The following TMEM232 variants were observed in gnomAD, a reference collection of about 807,000 sequenced individuals.
TMEM232 encodes the protein transmembrane protein 232.
Under a neutral mutation model 78.8 loss-of-function variants are expected in TMEM232, and 80 were observed. The ratio of observed to expected loss-of-function variants is 1.01; its 90% CI spans 0.85 to 1.22. The LOEUF is 1.22. Among genes scored for constraint, TMEM232 ranks in the 50% most tolerant of loss-of-function variants. TMEM232 has a pLI of 0.00. For missense variants in TMEM232, 881 were observed against 742.2 expected, an observed-to-expected ratio of 1.19 and a Z score of -2.17; for synonymous variants, 297 against 254.3, an observed-to-expected ratio of 1.17 and a Z score of -1.60.
chr5:110,649,488 A>G (rs1209081369), intron 2 of TMEM232, among the ~76,000 whole-genome samples: 1 of 152,160 alleles, frequency 6.6e-6, no homozygotes, highest in Admixed American at 6.6e-5. Flanking sequence ...AAGAGTATGT[A>G]TACTTTTAAT....
chr5:110,525,247 A>C (rs1770400925), intron 12 of TMEM232, among the ~76,000 whole-genome samples: 1 of 151,926 alleles, frequency 6.6e-6, no homozygotes, highest in African/African-American at 2.4e-5. Flanking sequence ...ACATAAAAGG[A>C]AAAGGGCTAA....
At chr5:110,597,831 A>T (rs1335681570) in intron 10 of TMEM232, among the ~76,000 whole-genome samples, 1 of 152,208 alleles carries the variant, frequency 6.6e-6, no homozygotes, top group Non-Finnish European at 1.5e-5. Flanking sequence ...CTGAAACTGG[A>T]TCCCTTCCCT....
chr5:110,678,885 T>A (rs1429322604), intron 1 of TMEM232, among the ~76,000 whole-genome samples: 2 of 152,200 alleles, frequency 1.3e-5, no homozygotes, highest in Non-Finnish European at 2.9e-5. Flanking sequence ...TTAAATAATA[T>A]TCTACCATAC....
At chr5:110,523,991 C>G in intron 12 of TMEM232, among the ~76,000 whole-genome samples, 1 of 135,268 alleles carries the variant, frequency 7.4e-6, no homozygotes, top group African/African-American at 2.7e-5. Context: ...GGGGCTGGGC[C>G]TGGTGGCTCA....
chr5:110,506,363 T>C (rs1343855622), intron 12 of TMEM232, among the ~76,000 whole-genome samples: 1 of 152,180 alleles, frequency 6.6e-6, no homozygotes. Flanking sequence ...TTCAAACAGA[T>C]TAATATATTT....
chr5:110,481,227 G>A (rs1280869022), intron 12 of TMEM232, among the ~76,000 whole-genome samples: 1 of 151,996 alleles, frequency 6.6e-6, no homozygotes, highest in Non-Finnish European at 1.5e-5. Flanking sequence ...TTACTTGTAA[G>A]CTGTTCAATG....
At chr5:110,555,836 G>A (rs577904538) in intron 11 of TMEM232, among the ~76,000 whole-genome samples, 2 of 151,812 alleles carry the variant, frequency 1.3e-5, no homozygotes, top group South Asian at 2.1e-4. Flanking sequence ...TTTTATTTTC[G>A]TATTGCTTCA....
At chr5:110,581,028 T>C (rs1051588711) in intron 10 of TMEM232, among the ~76,000 whole-genome samples, 1 of 151,592 alleles carries the variant, frequency 6.6e-6, no homozygotes, top group Non-Finnish European at 1.5e-5. Context: ...TACAAACAAA[T>C]GGAAAAACAT....
chr5:110,730,346 A>G (rs1221821008), upstream of TMEM232, among the ~76,000 whole-genome samples: 1 of 152,250 alleles, frequency 6.6e-6, no homozygotes, highest in African/African-American at 2.4e-5. Flanking sequence ...TTGCATTAGA[A>G]TTAATATTGA....
At chr5:110,690,716 A>C (rs1794014735) in intron 1 of TMEM232, among the ~76,000 whole-genome samples, 1 of 152,234 alleles carries the variant, frequency 6.6e-6, no homozygotes, top group South Asian at 2.1e-4. Flanking sequence ...AAAGACTTGG[A>C]ACCAACCCAA....
At chr5:110,400,616 C>T (rs566677662) in intron 2 of TMEM232, among the ~76,000 whole-genome samples, 125 of 151,898 alleles carry the variant, frequency 8.2e-4, no homozygotes, top group Non-Finnish European at 1.6e-3. Context: ...CCTTTATTTC[C>T]AGAATCCAAA....
At chr5:110,554,585 T>C (rs992489918) in intron 11 of TMEM232, among the ~76,000 whole-genome samples, 10 of 152,132 alleles carry the variant, frequency 6.6e-5, no homozygotes, top group African/African-American at 1.9e-4. Context: ...TTTGGGTCAA[T>C]GTTTATCCGG....
At chr5:110,510,429 T>C (rs1767584205) in intron 12 of TMEM232, among the ~76,000 whole-genome samples, 1 of 152,228 alleles carries the variant, frequency 6.6e-6, no homozygotes, top group Admixed American at 6.5e-5. Flanking sequence ...CCCTTTCATA[T>C]GTAATGATCA....
chr5:110,537,259 ATAATC>A (rs1303494336), intron 11 of TMEM232, among the ~76,000 whole-genome samples: 3 of 151,668 alleles, frequency 2.0e-5, no homozygotes, highest in African/African-American at 7.3e-5. Flanking sequence ...TTTGACCCTG[ATAATC>A]TAAAGAGAAA....
At chr5:110,587,297 G>A (rs1778927505) in intron 10 of TMEM232, among the ~76,000 whole-genome samples, 1 of 151,832 alleles carries the variant, frequency 6.6e-6, no homozygotes, top group African/African-American at 2.4e-5. Context: ...ACATTTTACA[G>A]GTGTCTCACT....
At chr5:110,459,556 A>T (rs896847097) in intron 12 of TMEM232, among the ~76,000 whole-genome samples, 1 of 152,168 alleles carries the variant, frequency 6.6e-6, no homozygotes, top group African/African-American at 2.4e-5. Flanking sequence ...CTAACTCATA[A>T]ATGTTACAAG....
intron 8 of TMEM232, among the ~76,000 whole-genome samples, chr5:110,613,882 A>ATTTT: frequency 1.3e-5 from 2 of 152,030 alleles, no homozygotes. Context: ...TTGTAAGGAG[A>ATTTT]AAAGTTGATT....
At chr5:110,714,999 A>C (rs1476981246) in intron 1 of TMEM232, among the ~76,000 whole-genome samples, 1 of 152,140 alleles carries the variant, frequency 6.6e-6, no homozygotes, top group Non-Finnish European at 1.5e-5. Flanking sequence ...GACAAATATA[A>C]ATTTAAATAT....
At chr5:110,676,069 G>C (rs895372217) in intron 1 of TMEM232, among the ~76,000 whole-genome samples, 2 of 152,112 alleles carry the variant, frequency 1.3e-5, no homozygotes, top group African/African-American at 4.8e-5. Flanking sequence ...TGTCCTCCAA[G>C]TTCATCCATG....
Sources: gnomAD v4.1 joint callset for allele counts (sites outside exome capture counted in the v4.1 genomes callset) on GRCh38, gnomAD v4.1.1 for gene constraint, MANE v1.5 for transcripts, NCBI Gene and HGNC (gene_info 2026-07-23, HGNC 2026-07-21) for gene names.